The following GRID1 variants were observed in gnomAD, a reference collection of about 807,000 sequenced individuals.
The protein encoded by GRID1 is glutamate receptor ionotropic, delta-1.
Under a neutral mutation model 98.0 loss-of-function variants are expected in GRID1, and 28 were observed. The ratio of observed to expected loss-of-function variants is 0.29; its 90% CI spans 0.21 to 0.39. The LOEUF is 0.39. GRID1 is among the 10% of genes least tolerant of loss of function. The pLI, the probability that GRID1 is intolerant of heterozygous loss-of-function variation, is 1.00. For synonymous variants in GRID1, 553 were observed against 538.5 expected, an observed-to-expected ratio of 1.03 and a Z score of -0.37; for missense variants, 1,111 against 1,340.5, an observed-to-expected ratio of 0.83 and a Z score of 2.67.
At chr10:86,297,334 T>C (rs1847607541) in intron 2 of GRID1, among the ~76,000 whole-genome samples, 1 of 152,290 alleles carries the variant, frequency 6.6e-6, no homozygotes, top group Non-Finnish European at 1.5e-5. Context: ...CATACAAGAA[T>C]TTAATGCATT....
At chr10:85,721,773 G>A (rs1289512166) in intron 12 of GRID1, among the ~76,000 whole-genome samples, 2 of 152,164 alleles carry the variant, frequency 1.3e-5, no homozygotes, top group Non-Finnish European at 2.9e-5. Flanking sequence ...GATCTGTTCA[G>A]TATTTTTACT....
chr10:86,113,017 G>A (rs1844512650), intron 4 of GRID1, among the ~76,000 whole-genome samples: 1 of 152,230 alleles, frequency 6.6e-6, no homozygotes, highest in African/African-American at 2.4e-5. Context: ...GCCTTTGCCA[G>A]AGACTAGACC....
At position 85,991,730 on chromosome 10, in the gene GRID1, C is replaced by G. The variant is rs549493400; in HGVS notation, c.727-75491G>C. 2.6e-5 allele frequency among the ~76,000 whole-genome samples: 4 copies of G among 152,190 alleles called. No individual in the cohort carries two copies. In the South Asian group the frequency reaches 8.3e-4, roughly 32 times the overall value. On this transcript the variant is annotated intron_variant, in intron 4 of 15. Coordinates refer to ENST00000327946, the MANE Select transcript of GRID1 (RefSeq NM_017551.3). ...ATTGGAAAATAGGAAGATGGTTAGC[C>G]CTGACAAAGGTCATTTCAGGAGAAG...
At chr10:86,050,267 C>T (rs961150523) in intron 4 of GRID1, among the ~76,000 whole-genome samples, 1 of 152,204 alleles carries the variant, frequency 6.6e-6, no homozygotes, top group Non-Finnish European at 1.5e-5. Flanking sequence ...GCAAAACCTA[C>T]TTGGAATTTA....
At chr10:85,874,495 T>C (rs1387328202) in intron 5 of GRID1, among the ~76,000 whole-genome samples, 1 of 152,254 alleles carries the variant, frequency 6.6e-6, no homozygotes, top group Non-Finnish European at 1.5e-5. Flanking sequence ...ATGAATCATT[T>C]GTATTGCCTT....
chr10:86,180,644 T>C (rs565373525), intron 3 of GRID1, among the ~76,000 whole-genome samples: 66 of 152,150 alleles, frequency 4.3e-4, no homozygotes, highest in African/African-American at 1.5e-3. Flanking sequence ...TCCCGACATA[T>C]GCCAAAAGCT....
intron 8 of GRID1, among the ~76,000 whole-genome samples, chr10:85,839,761 T>G (rs1842945376): frequency 6.7e-6 from 1 of 150,210 alleles, no homozygotes; most frequent in Non-Finnish European, 1.5e-5. Flanking sequence ...AGGAAAGAAA[T>G]AACCAAAATC....
At chr10:86,060,064 G>A (rs1268130817) in intron 4 of GRID1, among the ~76,000 whole-genome samples, 3 of 152,168 alleles carry the variant, frequency 2.0e-5, no homozygotes, top group African/African-American at 7.2e-5. Context: ...AGTGGCTCTG[G>A]CAATGATGGG....
chr10:86,026,115 G>A (rs955976823), intron 4 of GRID1, among the ~76,000 whole-genome samples: 7 of 152,108 alleles, frequency 4.6e-5, no homozygotes, highest in East Asian at 1.9e-4. Flanking sequence ...ATGATAATTC[G>A]CTCCAACTAA....
intron 2 of GRID1, among the ~76,000 whole-genome samples, chr10:86,350,432 G>A (rs1848447512): frequency 6.6e-6 from 1 of 152,186 alleles, no homozygotes; most frequent in South Asian, 2.1e-4. Flanking sequence ...CTGGGGAGAT[G>A]GCACTGGAGG....
chr10:86,044,105 C>A (rs1843385949), intron 4 of GRID1, among the ~76,000 whole-genome samples: 2 of 152,192 alleles, frequency 1.3e-5, no homozygotes, highest in Admixed American at 1.3e-4. Context: ...AGAAACACTG[C>A]TCAAGATAGC....
At chr10:86,355,126 T>C (rs1326265051) in intron 2 of GRID1, among the ~76,000 whole-genome samples, 1 of 152,204 alleles carries the variant, frequency 6.6e-6, no homozygotes, top group Non-Finnish European at 1.5e-5. Context: ...GCTGGGCTAT[T>C]CTAGTGCATT....
chr10:85,726,760 G>A (rs1449325569), intron 10 of GRID1, among the ~76,000 whole-genome samples: 1 of 152,172 alleles, frequency 6.6e-6, no homozygotes, highest in Non-Finnish European at 1.5e-5. Context: ...CCTAGGGCTG[G>A]GGGTGGGAAT....
At chr10:86,119,808 T>C (rs1371727644) in intron 4 of GRID1, among the ~76,000 whole-genome samples, 2 of 152,110 alleles carry the variant, frequency 1.3e-5, no homozygotes, top group Non-Finnish European at 2.9e-5. Flanking sequence ...TGGGTTTTTT[T>C]GAGACAGAGT....
chr10:85,926,912 A>C (rs1841781790), intron 4 of GRID1, among the ~76,000 whole-genome samples: 1 of 152,268 alleles, frequency 6.6e-6, no homozygotes, highest in South Asian at 2.1e-4. Context: ...GAAATGGTAC[A>C]GAAAACATCA....
At position 85,923,731 on chromosome 10, in the gene GRID1, T is replaced by G. The variant is rs1449970964; in HGVS notation, c.727-7492A>C. On this transcript the variant is annotated intron_variant, in intron 4 of 15. Transcript: ENST00000327946. ...AAAACCCATATGGTTTCTACCGTGT[T>G]CCACTGACTTGGGCACCAAGAAAAG... Among the ~76,000 whole-genome samples, 2 of 152,178 alleles carry G rather than the reference T, an allele frequency of 1.3e-5. 1 individual carries two copies. Among genetic ancestry groups the G allele is most frequent in the South Asian group, 4.1e-4 (2 of 4,828 alleles).
chr10:85,740,602 C>A (rs560774634), intron 8 of GRID1, among the ~76,000 whole-genome samples: 1 of 152,072 alleles, frequency 6.6e-6, no homozygotes, highest in African/African-American at 2.4e-5. Context: ...CAATATCATT[C>A]TAGAGATTTT....
At chr10:86,032,859 T>G (rs1028137570) in intron 4 of GRID1, among the ~76,000 whole-genome samples, 1 of 149,848 alleles carries the variant, frequency 6.7e-6, no homozygotes, top group Non-Finnish European at 1.5e-5. Flanking sequence ...GAGTACCTCC[T>G]TGATACCAGC....
At chr10:86,211,828 G>GA (rs1846112036) in intron 2 of GRID1, among the ~76,000 whole-genome samples, 1 of 152,228 alleles carries the variant, frequency 6.6e-6, no homozygotes, top group South Asian at 2.1e-4. Context: ...GCTGCAAAGA[G>GA]AAAGTGGCCA....
Sources: gnomAD v4.1 joint callset for allele counts (sites outside exome capture counted in the v4.1 genomes callset) on GRCh38, gnomAD v4.1.1 for gene constraint, MANE v1.5 for transcripts, NCBI Gene and HGNC (gene_info 2026-07-23, HGNC 2026-07-21) for gene names.